Variants in ADAMTSL1 observed in about 807,000 individuals in gnomAD.
ADAMTSL1 encodes the protein ADAMTS like 1.
Under a neutral mutation model 201.8 loss-of-function variants are expected in ADAMTSL1, and 126 were observed. The observed-to-expected ratio is 0.62, with a 90% confidence interval of 0.54 to 0.72. ADAMTSL1 has a LOEUF of 0.72. Ranked by LOEUF, ADAMTSL1 falls within the 30% of genes least tolerant of loss-of-function variation. The pLI is 0.00. For missense variants in ADAMTSL1, 2,679 were observed against 2,277.8 expected, an observed-to-expected ratio of 1.18 and a Z score of -3.59; for synonymous variants, 1,121 against 903.4, an observed-to-expected ratio of 1.24 and a Z score of -4.32.
At chr9:18,336,228 C>G (rs1381707202) in intron 2 of ADAMTSL1, among the ~76,000 whole-genome samples, 1 of 151,636 alleles carries the variant, frequency 6.6e-6, no homozygotes, top group Admixed American at 6.6e-5. Flanking sequence ...ATTGTTTTGT[C>G]TATAAGACAA....
intron 2 of ADAMTSL1, among the ~76,000 whole-genome samples, chr9:18,435,336 G>T (rs1279463493): frequency 6.6e-6 from 1 of 152,252 alleles, no homozygotes; most frequent in Admixed American, 6.5e-5. Context: ...TCATTTATTT[G>T]TCCAACCAAT....
chr9:18,024,080 T>C (rs1264086607), intron 1 of ADAMTSL1, among the ~76,000 whole-genome samples: 1 of 152,094 alleles, frequency 6.6e-6, no homozygotes, highest in African/African-American at 2.4e-5. Flanking sequence ...TCTGGTTACA[T>C]CATGAATTGA....
intron 1 of ADAMTSL1, among the ~76,000 whole-genome samples, chr9:18,479,233 C>T (rs1587329235): frequency 1.3e-5 from 2 of 152,276 alleles, no homozygotes; most frequent in South Asian, 4.1e-4. Context: ...AACTGGAGCA[C>T]CCAGCATGGA....
In ADAMTSL1 at chr9:18,856,954, G is replaced by A. The variant is rs143826241; in HGVS notation, c.4249+26977G>A. ...ATTCAAAGAACTGTAGAACAACCCC[G>A]TTTTCTGAGCCATCGGCAATTTCAC... is the stretch of plus-strand genomic sequence containing the variant. On this transcript the variant is annotated intron_variant, in intron 23 of 28. Transcript: ENST00000380548. 6.6e-5 allele frequency among the ~76,000 whole-genome samples: 10 copies of A among 152,218 alleles called. No individual in the cohort carries two copies. The East Asian group carries it at 7.7e-4, about 12-fold the overall frequency.
rs78950745 is a variant in ADAMTSL1, at chr9:18,496,513, T to C, written c.64-8316T>C. ...TTTTTTCTTGGCTCACATGGCACAA[T>C]AGTCAACCAAAGAAAAGAGAAAGTT... On this transcript the variant is annotated intron_variant, in intron 1 of 28. Transcript: ENST00000380548. Among the ~76,000 whole-genome samples, 59 of 152,306 alleles carry C rather than the reference T, an allele frequency of 3.9e-4. No homozygotes were observed. In the East Asian group the frequency reaches 0.011, roughly 28 times the overall value.
intron 5 of ADAMTSL1, among the ~76,000 whole-genome samples, chr9:18,632,026 T>C (rs532589279): frequency 6.6e-6 from 1 of 152,278 alleles, no homozygotes; most frequent in African/African-American, 2.4e-5. Context: ...TGTGCCTTTG[T>C]AGGAAAGGGC....
intron 1 of ADAMTSL1, among the ~76,000 whole-genome samples, chr9:17,949,384 G>T (rs1362168859): frequency 1.3e-5 from 2 of 152,076 alleles, no homozygotes; most frequent in Non-Finnish European, 2.9e-5. Flanking sequence ...CAGGTCAGTT[G>T]GTCAGAGGAA....
chr9:18,014,153 C>G (rs575282139), intron 1 of ADAMTSL1, among the ~76,000 whole-genome samples: 114 of 152,096 alleles, frequency 7.5e-4, no homozygotes, highest in South Asian at 4.1e-4. Context: ...CTCCTCAACC[C>G]CAAAACCTGT....
At chr9:18,769,200 A>C (rs1021690370) in intron 16 of ADAMTSL1, among the ~76,000 whole-genome samples, 2 of 152,030 alleles carry the variant, frequency 1.3e-5, no homozygotes, top group Non-Finnish European at 2.9e-5. Context: ...CCGGCAAAAA[A>C]CCCCATAGCC....
intron 1 of ADAMTSL1, among the ~76,000 whole-genome samples, chr9:18,151,371 A>C (rs987727678): frequency 1.3e-5 from 2 of 152,078 alleles, no homozygotes; most frequent in Non-Finnish European, 2.9e-5. Flanking sequence ...TAGCTAATTC[A>C]CAGTTTCTCA....
At chr9:17,988,446 T>G (rs1285279970) in intron 1 of ADAMTSL1, among the ~76,000 whole-genome samples, 1 of 152,052 alleles carries the variant, frequency 6.6e-6, no homozygotes, top group East Asian at 1.9e-4. Flanking sequence ...TATTGTAAGT[T>G]TCCCCAGGGA....
At chr9:18,267,787 C>A (rs10963544) in intron 2 of ADAMTSL1, among the ~76,000 whole-genome samples, 4,938 of 120,766 alleles carry the variant, frequency 0.041, 238 homozygotes, top group African/African-American at 0.12. Context: ...AAAACAAAAA[C>A]AAAAAAACCT....
At position 18,892,521 on chromosome 9, in the gene ADAMTSL1, C is replaced by G. The variant is rs754601711; in HGVS notation, c.4776C>G (p.Val1592=). 4 of 1,595,292 alleles carry G rather than the reference C, an allele frequency of 2.5e-6. No homozygotes were observed. In the Admixed American group the frequency reaches 5.3e-5, roughly 21 times the overall value. The change falls in exon 26 of 29, where the codon GTC becomes GTG. Residue 1592 remains valine, a synonymous_variant. Coordinates refer to ENST00000380548, the MANE Select transcript of ADAMTSL1 (RefSeq NM_001040272.6). ...TGTCCAATGACATGTGCACCCAGGTCGCCAAGCGGCCTGTGGACACCCAGG... is the reference window on the plus strand; with the variant it reads ...TGTCCAATGACATGTGCACCCAGGTGGCCAAGCGGCCTGTGGACACCCAGG... ...TPVSNDMCTQ[V]AKRPVDTQAC... is the part of the protein sequence containing the mutation.
At chr9:18,621,030 A>G (rs780555541) in intron 4 of ADAMTSL1, among the ~76,000 whole-genome samples, 4 of 152,220 alleles carry the variant, frequency 2.6e-5, no homozygotes, top group Non-Finnish European at 5.9e-5. Flanking sequence ...CTCTGGTCAT[A>G]TTAACAACCA....
In ADAMTSL1 at chr9:18,680,354, G is replaced by A. The variant is rs142751664; in HGVS notation, c.1179G>A (p.Gly393=). ...GGACCGCGTGCTCCTCCTCGTGTGG[G>A]GGGGGCATCCAGAGCCGGGCAGTTT... ...TPWTACSSSC[G]GGIQSRAVSC... is the part of the protein sequence containing the mutation. Residue 393 remains glycine, a synonymous_variant, in exon 11 of 29, where the codon GGG becomes GGA. Coordinates refer to ENST00000380548, the MANE Select transcript of ADAMTSL1 (RefSeq NM_001040272.6). 8.1e-6 allele frequency: 13 copies of A among 1,614,172 alleles called. No homozygotes were observed. Among genetic ancestry groups the A allele is most frequent in the African/African-American group, 5.3e-5 (4 of 75,040 alleles).
chr9:18,296,616 A>G (rs1044538401), intron 2 of ADAMTSL1, among the ~76,000 whole-genome samples: 1 of 152,198 alleles, frequency 6.6e-6, no homozygotes, highest in African/African-American at 2.4e-5. Context: ...GAAGTTTTCA[A>G]AATAAAAAGA....
chr9:18,759,972 C>T (rs1819973206), intron 16 of ADAMTSL1, among the ~76,000 whole-genome samples: 1 of 152,178 alleles, frequency 6.6e-6, no homozygotes, highest in Admixed American at 6.5e-5. Context: ...TCAGCTATGA[C>T]CTCGACTGTG....
At chr9:18,818,472 T>C (rs902717557) in intron 21 of ADAMTSL1, among the ~76,000 whole-genome samples, 2 of 152,214 alleles carry the variant, frequency 1.3e-5, no homozygotes, top group East Asian at 3.8e-4. Flanking sequence ...TCTGATTTTC[T>C]CTGAAATATT....
intron 2 of ADAMTSL1, among the ~76,000 whole-genome samples, chr9:18,401,837 C>T (rs1300928165): frequency 1.3e-5 from 2 of 152,252 alleles, no homozygotes; most frequent in South Asian, 2.1e-4. Context: ...GATATGCTTC[C>T]CCTTAATGGA....
Sources: gnomAD v4.1 joint callset for allele counts (sites outside exome capture counted in the v4.1 genomes callset) on GRCh38, gnomAD v4.1.1 for gene constraint, MANE v1.5 for transcripts, NCBI Gene and HGNC (gene_info 2026-07-23, HGNC 2026-07-21) for gene names.